Variants in EFHC2 observed in about 807,000 individuals in gnomAD.
EFHC2 encodes the protein EF-hand domain containing 2, also known as EF-hand domain-containing family member C2.
In EFHC2, 18 loss-of-function variants were observed where a neutral mutation model predicts 52.7. The observed-to-expected ratio is 0.34, with a 90% CI of 0.24 to 0.51. EFHC2 has a LOEUF of 0.51. EFHC2 is among the 20% of genes least tolerant of loss of function. The pLI is 0.97. For synonymous variants in EFHC2, 203 were observed against 204.1 expected (o/e 0.99, Z 0.04); for missense variants, 513 against 562.5 (o/e 0.91, Z 0.89).
Position 44,199,904 on chromosome X carries a change from C to T in EFHC2, c.1752-21340G>A, listed in dbSNP as rs1293807605. Among the ~76,000 whole-genome samples, 3 of 112,118 alleles carry T rather than the reference C, an allele frequency of 2.7e-5. 1 individual carries two copies. The Admixed American group carries it at 2.8e-4, about 11-fold the overall frequency. On this transcript the variant is annotated intron_variant, in intron 11 of 14. Coordinates refer to ENST00000420999, the MANE Select transcript of EFHC2 (RefSeq NM_025184.4). ...ATTGACCACTATTCTTAAAAAGTAT[C>T]AAGGTCATAAAAGACAAAGAAAGGT...
intron 13 of EFHC2, among the ~76,000 whole-genome samples, chrX:44,173,020 T>C (rs1197181019): frequency 9.0e-6 from 1 of 111,426 alleles, no homozygotes; most frequent in African/African-American, 3.3e-5. Context: ...TATGTTAACA[T>C]AATAAGGAAA....
At chrX:44,194,687 T>G (rs2036948073) in intron 11 of EFHC2, among the ~76,000 whole-genome samples, 1 of 111,730 alleles carries the variant, frequency 9.0e-6, no homozygotes, top group South Asian at 3.7e-4. Flanking sequence ...TGAGCACGAA[T>G]TAATTAAGAT....
Position 44,149,964 on chromosome X carries a change from C to G in EFHC2, c.2149-1068G>C, listed in dbSNP as rs549104700. On this transcript the variant is annotated intron_variant, in intron 14 of 14. Coordinates refer to ENST00000420999, the MANE Select transcript of EFHC2 (RefSeq NM_025184.4). ...GTGTGTGTGTGTGTACACATATACA[C>G]ACACAGATGCACATTTTATATAATA... 6.2e-5 allele frequency among the ~76,000 whole-genome samples: 7 copies of G among 112,117 alleles called. No individual in the cohort carries two copies. In the South Asian group the frequency reaches 2.2e-3, roughly 36 times the overall value.
At chrX:44,166,983 T>G (rs775508158) in intron 13 of EFHC2, among the ~76,000 whole-genome samples, 10 of 112,067 alleles carry the variant, frequency 8.9e-5, no homozygotes, top group Non-Finnish European at 1.9e-4. Context: ...TCCACCACAG[T>G]GCTCTTTCTA....
At chrX:44,177,825 T>C (rs1368238001) in intron 12 of EFHC2, among the ~76,000 whole-genome samples, 1 of 111,006 alleles carries the variant, frequency 9.0e-6, no homozygotes, top group East Asian at 2.8e-4. Flanking sequence ...TGATTTACTA[T>C]GCTTCAGTTG....
At chrX:44,174,648 A>C (rs1186005926) in intron 13 of EFHC2, among the ~76,000 whole-genome samples, 5 of 90,350 alleles carry the variant, frequency 5.5e-5, no homozygotes, top group African/African-American at 9.3e-5. Flanking sequence ...GGCCAAAAAA[A>C]AAAGGGGGGG....
At chrX:44,304,210 C>A (rs759017581) in intron 2 of EFHC2, among the ~76,000 whole-genome samples, 29 of 111,887 alleles carry the variant, frequency 2.6e-4, no homozygotes, top group Non-Finnish European at 4.7e-4. Flanking sequence ...GAGTCCTAGG[C>A]CATTAGATCC....
intron 2 of EFHC2, among the ~76,000 whole-genome samples, chrX:44,311,951 A>G (rs1295586850): frequency 8.9e-6 from 1 of 112,634 alleles, no homozygotes; most frequent in Non-Finnish European, 1.9e-5. Flanking sequence ...AGGACAGATT[A>G]TCCTGTCCAG....
At chrX:44,173,427 T>C (rs781420711) in intron 13 of EFHC2, among the ~76,000 whole-genome samples, 2 of 111,797 alleles carry the variant, frequency 1.8e-5, no homozygotes, top group South Asian at 7.6e-4. Flanking sequence ...ACAATAAGAA[T>C]GCAGAATATA....
At chrX:44,310,120 T>C (rs1569305953) in intron 2 of EFHC2, 12 of 696,315 alleles carry the variant, frequency 1.7e-5, no homozygotes, top group Non-Finnish European at 2.8e-5. Flanking sequence ...TCCTCGGGCT[T>C]CAGGGATTCC....
intron 1 of EFHC2, among the ~76,000 whole-genome samples, chrX:44,319,929 TTTTTTTTATTTTTTTA>T (rs1300237734): frequency 9.0e-6 from 1 of 110,937 alleles, no homozygotes; most frequent in African/African-American, 3.3e-5. Context: ...ATTTTATTTA[TTTTTTTTATTTTTTTA>T]TTTTTTTATT....
chrX:44,289,662 A>ATCTT (rs1166168127), intron 2 of EFHC2, among the ~76,000 whole-genome samples: 1 of 101,844 alleles, frequency 9.8e-6, no homozygotes, highest in Non-Finnish European at 2.0e-5. Flanking sequence ...GCCGGTCTAC[A>ATCTT]TCTTTCTTTT....
intron 11 of EFHC2, among the ~76,000 whole-genome samples, chrX:44,189,122 C>CAAAAAAAAAAAAA (rs35770665): frequency 2.2e-5 from 1 of 46,390 alleles, no homozygotes. Context: ...GACTCTATCT[C>CAAAAAAAAAAAAA]AAAAAAAAAA....
chrX:44,203,727 CA>C (rs1175702149), intron 11 of EFHC2, among the ~76,000 whole-genome samples: 2 of 111,406 alleles, frequency 1.8e-5, no homozygotes, highest in African/African-American at 6.5e-5. Flanking sequence ...TCTGGAACTA[CA>C]GGTGCACACT....
intron 3 of EFHC2, among the ~76,000 whole-genome samples, chrX:44,270,434 G>A (rs2037609485): frequency 9.0e-6 from 1 of 111,294 alleles, no homozygotes; most frequent in Non-Finnish European, 1.9e-5. Flanking sequence ...GAGCCCTCAG[G>A]CCTAGATTAG....
chrX:44,204,531 A>G (rs1249343165), intron 11 of EFHC2, among the ~76,000 whole-genome samples: 2 of 111,621 alleles, frequency 1.8e-5, no homozygotes, highest in Non-Finnish European at 3.8e-5. Flanking sequence ...ATATATTAAG[A>G]AAGAACCAAA....
At chrX:44,186,282 C>T (rs1159834370) in intron 11 of EFHC2, among the ~76,000 whole-genome samples, 1 of 112,013 alleles carries the variant, frequency 8.9e-6, no homozygotes, top group Admixed American at 9.5e-5. Context: ...ATCTATAATT[C>T]TTCCATGATT....
At chrX:44,319,444 A>G (rs185647369) in intron 1 of EFHC2, among the ~76,000 whole-genome samples, 7 of 111,576 alleles carry the variant, frequency 6.3e-5, no homozygotes, top group African/African-American at 2.3e-4. Context: ...CACTCTTTCC[A>G]GGGATGCCAC....
chrX:44,261,370 A>C, intron 3 of EFHC2, 72 bp from the exon 4 acceptor site: 1 of 916,506 alleles, frequency 1.1e-6, no homozygotes, highest in Non-Finnish European at 1.5e-6. Flanking sequence ...ACATTCACTA[A>C]CAACCCTGAA....
Sources: gnomAD v4.1 joint callset for allele counts (sites outside exome capture counted in the v4.1 genomes callset) on GRCh38, gnomAD v4.1.1 for gene constraint, MANE v1.5 for transcripts, NCBI Gene and HGNC (gene_info 2026-07-23, HGNC 2026-07-21) for gene names.